Variants in ACSS3 observed in about 807,000 individuals in gnomAD.
ACSS3 encodes acyl-CoA synthetase short-chain family member 3, mitochondrial.
A neutral mutation model predicts 84.2 loss-of-function variants in ACSS3; 64 were observed. That is an observed-to-expected ratio of 0.76 (90% CI 0.62 to 0.94). ACSS3 has a LOEUF of 0.94. Among genes scored for constraint, ACSS3 ranks in the 40% least tolerant of loss-of-function variants. ACSS3 has a pLI of 0.00. For missense variants in ACSS3, 815 were observed against 867.6 expected (o/e 0.94, Z 0.76); for synonymous variants, 317 against 310.1 (o/e 1.02, Z -0.23).
At chr12:81,204,316 C>A (rs917147670) in intron 9 of ACSS3, among the ~76,000 whole-genome samples, 1 of 150,682 alleles carries the variant, frequency 6.6e-6, no homozygotes, top group Non-Finnish European at 1.5e-5. Context: ...TTCCTTCCTC[C>A]TCTTCTTCCT....
intron 7 of ACSS3, among the ~76,000 whole-genome samples, chr12:81,168,544 A>G (rs908894893): frequency 1.3e-5 from 2 of 152,306 alleles, no homozygotes; most frequent in African/African-American, 4.8e-5. Context: ...GATGAGAGTG[A>G]TACTCTTTAA....
chr12:81,203,145 T>A (rs933000226), intron 9 of ACSS3, among the ~76,000 whole-genome samples: 2 of 152,170 alleles, frequency 1.3e-5, no homozygotes, highest in African/African-American at 4.8e-5. Context: ...ATATAAGTTC[T>A]GGACTCCAAA....
intron 1 of ACSS3, among the ~76,000 whole-genome samples, chr12:81,099,717 A>G (rs1882351419): frequency 6.6e-6 from 1 of 150,996 alleles, no homozygotes; most frequent in African/African-American, 2.5e-5. Context: ...CTGAAAGAAG[A>G]CTTTTTTTTT....
At position 81,255,874 on chromosome 12, in the gene ACSS3, T is replaced by C. The variant is rs954550170; in HGVS notation, c.*952T>C. ...ATTTAGTCCAATCTCTTCATGGAGA[T>C]GAGGGCTCCTGGGAGCCCCTCTTCA... is the stretch of plus-strand genomic sequence containing the variant. On this transcript the variant is annotated 3_prime_UTR_variant, in exon 16 of 16. Transcript: ENST00000548058. 3 of 152,220 alleles carry C rather than the reference T, an allele frequency of 2.0e-5. No homozygotes were observed. Among genetic ancestry groups the C allele is most frequent in the African/African-American group, 7.2e-5 (3 of 41,466 alleles). 9.4% of individuals were successfully genotyped at this position (152,220 alleles called of 1,614,324 possible). A position where few individuals can be genotyped will look rare whatever the true frequency, so the allele number is the denominator to read the frequency against.
chr12:81,198,064 C>T (rs187148108), intron 8 of ACSS3, among the ~76,000 whole-genome samples: 7 of 152,218 alleles, frequency 4.6e-5, no homozygotes, highest in East Asian at 3.9e-4. Context: ...AGAATTTTGC[C>T]CTCCTCAGGG....
chr12:81,178,297 C>T (rs1312792405), intron 8 of ACSS3, among the ~76,000 whole-genome samples: 1 of 144,928 alleles, frequency 6.9e-6, no homozygotes, highest in South Asian at 2.3e-4. Context: ...GGGAACATCA[C>T]ACTCTGGGGA....
chr12:81,174,218 T>C (rs914989757), intron 7 of ACSS3, among the ~76,000 whole-genome samples: 3 of 152,228 alleles, frequency 2.0e-5, no homozygotes, highest in Admixed American at 6.5e-5. Context: ...TGATTTTCCA[T>C]TGAACATATA....
At chr12:81,195,824 A>G (rs1474860404) in intron 8 of ACSS3, among the ~76,000 whole-genome samples, 1 of 152,116 alleles carries the variant, frequency 6.6e-6, no homozygotes, top group African/African-American at 2.4e-5. Context: ...TGTCTATATC[A>G]GGACACGCGA....
chr12:81,106,664 G>C (rs1331391625), intron 1 of ACSS3, among the ~76,000 whole-genome samples: 1 of 151,950 alleles, frequency 6.6e-6, no homozygotes, highest in Non-Finnish European at 1.5e-5. Flanking sequence ...ATAATTTTGA[G>C]CACTATTTGA....
At chr12:81,240,164 G>A (rs1159426598) in intron 13 of ACSS3, among the ~76,000 whole-genome samples, 4 of 151,908 alleles carry the variant, frequency 2.6e-5, no homozygotes, top group Non-Finnish European at 4.4e-5. Flanking sequence ...TCCAACACAG[G>A]AGTGTTAAAG....
intron 13 of ACSS3, among the ~76,000 whole-genome samples, chr12:81,237,510 G>A (rs1438217100): frequency 6.6e-6 from 1 of 151,532 alleles, no homozygotes; most frequent in Non-Finnish European, 1.5e-5. Context: ...TTTCTTAAAA[G>A]ATGTTTAGAT....
intron 1 of ACSS3, chr12:81,104,893 T>C (rs1882844986): frequency 6.6e-6 from 1 of 152,176 alleles, no homozygotes; most frequent in African/African-American, 2.4e-5. Context: ...TTTTTATAGA[T>C]TTAGAAGGTA....
chr12:81,194,508 T>C (rs978056438), intron 8 of ACSS3, among the ~76,000 whole-genome samples: 2 of 151,956 alleles, frequency 1.3e-5, no homozygotes, highest in African/African-American at 4.8e-5. Flanking sequence ...TCTCACAATT[T>C]TTCCTTTGCA....
chr12:81,094,184 CTGTG>C (rs34746505), intron 1 of ACSS3, among the ~76,000 whole-genome samples: 5 of 146,752 alleles, frequency 3.4e-5, no homozygotes, highest in East Asian at 2.0e-4. Context: ...GTCTCTCTCT[CTGTG>C]TGTGTGTGTG....
intron 13 of ACSS3, among the ~76,000 whole-genome samples, chr12:81,234,961 T>C (rs1217159400): frequency 2.0e-5 from 3 of 151,342 alleles, no homozygotes; most frequent in Non-Finnish European, 4.4e-5. Flanking sequence ...GTATTGTATA[T>C]AAAAATGCTT....
rs148247936 is a variant in ACSS3, at chr12:81,087,154, G to T, written c.311+8723G>T. ...GTCTTTCAAATACTAAATTAGAGAGGGACAGAGTTTAATTATATGGCTTTA... is the reference window on the plus strand; with the variant it reads ...GTCTTTCAAATACTAAATTAGAGAGTGACAGAGTTTAATTATATGGCTTTA... On this transcript the variant is annotated intron_variant, in intron 1 of 15. Coordinates refer to ENST00000548058, the MANE Select transcript of ACSS3 (RefSeq NM_024560.4). Among the ~76,000 whole-genome samples, 783 of 152,052 alleles carry T rather than the reference G, an allele frequency of 5.1e-3. 4 individuals carry two copies. Among genetic ancestry groups the T allele is most frequent in the African/African-American group, 0.014 (568 of 41,508 alleles).
chr12:81,193,129 C>A (rs2031659892), intron 8 of ACSS3, among the ~76,000 whole-genome samples: 1 of 151,806 alleles, frequency 6.6e-6, no homozygotes, highest in Non-Finnish European at 1.5e-5. Flanking sequence ...TAATGGGGAG[C>A]AAATAGAAGA....
rs146628385 is a variant in ACSS3 at position 81,186,800 on chromosome 12, G to A, written c.1250+11861G>A. The stretch of plus-strand genomic sequence containing the variant: ...CAGCCATTTTAGAAAACAGTATGGA[G>A]GTTTCTAAAGAAATTAAAAATAGAA... On this transcript the variant is annotated intron_variant, in intron 8 of 15. Transcript: ENST00000548058. Among the ~76,000 whole-genome samples, 93 of 151,880 alleles carry A rather than the reference G, an allele frequency of 6.1e-4. 1 individual carries two copies. In the East Asian group the frequency reaches 0.017, roughly 28 times the overall value.
chr12:81,106,893 A>G (rs1225748543), intron 1 of ACSS3, among the ~76,000 whole-genome samples: 3 of 152,044 alleles, frequency 2.0e-5, no homozygotes, highest in African/African-American at 4.8e-5. Context: ...TGAGGGTACA[A>G]ATCTGACTTT....
Sources: gnomAD v4.1 joint callset for allele counts (sites outside exome capture counted in the v4.1 genomes callset) on GRCh38, gnomAD v4.1.1 for gene constraint, MANE v1.5 for transcripts, NCBI Gene and HGNC (gene_info 2026-07-23, HGNC 2026-07-21) for gene names.